ARSB: variants seen among roughly 807,000 people sequenced by gnomAD.
The protein encoded by ARSB is N-acetylgalactosamine-4-sulfatase.
A neutral mutation model predicts 50.9 loss-of-function variants in ARSB; 41 were observed. The ratio of observed to expected loss-of-function variants is 0.81; its 90% CI spans 0.63 to 1.04. ARSB has a LOEUF of 1.04. Among genes scored for constraint, ARSB ranks in the 50% least tolerant of loss-of-function variants. The pLI is 0.00. For missense variants in ARSB, 672 were observed against 693.3 expected, an observed-to-expected ratio of 0.97 and a Z score of 0.35; for synonymous variants, 269 against 284.8, an observed-to-expected ratio of 0.94 and a Z score of 0.56.
intron 6 of ARSB, among the ~76,000 whole-genome samples, chr5:78,839,067 A>C (rs751430164): frequency 2.6e-4 from 40 of 152,240 alleles, no homozygotes; most frequent in Non-Finnish European, 5.4e-4. Context: ...CAGAGATGCC[A>C]TGAGTTCTTC....
chr5:78,785,611 T>A (rs1749053843), intron 6 of ARSB, among the ~76,000 whole-genome samples: 1 of 152,220 alleles, frequency 6.6e-6, no homozygotes, highest in African/African-American at 2.4e-5. Context: ...GCATAATATA[T>A]TTTTTCCATC....
intron 6 of ARSB, among the ~76,000 whole-genome samples, chr5:78,794,144 G>A (rs1053004520): frequency 6.6e-6 from 1 of 152,140 alleles, no homozygotes; most frequent in Non-Finnish European, 1.5e-5. Flanking sequence ...TCCTGTAGGA[G>A]TCTGCTTCTC....
intron 5 of ARSB, among the ~76,000 whole-genome samples, chr5:78,858,416 C>A (rs767906087): frequency 6.6e-5 from 10 of 152,220 alleles, no homozygotes; most frequent in Non-Finnish European, 1.3e-4. Context: ...TGACCAGTGA[C>A]CAGTTTCCAA....
At chr5:78,849,223 A>C (rs1473335481) in intron 5 of ARSB, among the ~76,000 whole-genome samples, 5 of 152,040 alleles carry the variant, frequency 3.3e-5, no homozygotes, top group Non-Finnish European at 7.4e-5. Flanking sequence ...TCTTTAATCC[A>C]TCTTGAATTA....
rs2112614541 is a variant in ARSB, at chr5:78,778,221, CCATA to C, written c.*2172_*2175del. On this transcript the variant is annotated 3_prime_UTR_variant, in exon 8 of 8. Coordinates refer to ENST00000264914, the MANE Select transcript of ARSB (RefSeq NM_000046.5). The stretch of plus-strand genomic sequence containing the variant: ...GGGCTCAGCTATTTCATGCTGTCGG[CCATA>C]CACTTCCAAGTGGGAGGTGATGGCA... The C allele has an allele frequency of 6.6e-6, 1 of 152,274 alleles. No individual in the cohort carries two copies. Among genetic ancestry groups the C allele is most frequent in the Admixed American group, 6.5e-5 (1 of 15,298 alleles). The allele number at this position is 152,274 out of a possible 1,614,324, so 9.4% of individuals were successfully genotyped here.
intron 6 of ARSB, among the ~76,000 whole-genome samples, chr5:78,798,261 C>T (rs958178800): frequency 1.3e-5 from 2 of 152,022 alleles, no homozygotes; most frequent in Non-Finnish European, 2.9e-5. Context: ...CCAGCAGATG[C>T]TAATCGAATA....
intron 6 of ARSB, among the ~76,000 whole-genome samples, chr5:78,801,731 G>A (rs1743402212): frequency 6.6e-6 from 1 of 152,106 alleles, no homozygotes; most frequent in Admixed American, 6.5e-5. Context: ...TTCCAGGCAG[G>A]CCTGGGCCCA....
At chr5:78,877,183 A>G (rs915350918) in intron 5 of ARSB, among the ~76,000 whole-genome samples, 2 of 152,128 alleles carry the variant, frequency 1.3e-5, no homozygotes, top group Non-Finnish European at 2.9e-5. Flanking sequence ...ACCCGTTCCC[A>G]TCAGCCAGCC....
At chr5:78,899,911 T>A (rs891269005) in intron 4 of ARSB, among the ~76,000 whole-genome samples, 1 of 152,190 alleles carries the variant, frequency 6.6e-6, no homozygotes, top group Non-Finnish European at 1.5e-5. Context: ...CATTGAAGGA[T>A]TAATTATTGA....
At chr5:78,793,860 T>C (rs919386918) in intron 6 of ARSB, among the ~76,000 whole-genome samples, 5 of 152,118 alleles carry the variant, frequency 3.3e-5, no homozygotes, top group African/African-American at 1.2e-4. Flanking sequence ...ACTGGAAGGC[T>C]GAATTGGCAT....
chr5:78,885,876 A>G, intron 4 of ARSB, 49 bp from the exon 5 acceptor site: 1 of 1,610,038 alleles, frequency 6.2e-7, no homozygotes, highest in Admixed American at 1.7e-5. Context: ...ACTCTTAAAT[A>G]CATTTAAGAA....
chr5:78,977,602 C>T (rs559185198), intron 1 of ARSB, among the ~76,000 whole-genome samples: 3 of 152,298 alleles, frequency 2.0e-5, no homozygotes, highest in South Asian at 4.1e-4. Context: ...ATGAATATAT[C>T]ACACTTAATG....
At chr5:78,871,719 G>A (rs1407346732) in intron 5 of ARSB, among the ~76,000 whole-genome samples, 1 of 137,600 alleles carries the variant, frequency 7.3e-6, no homozygotes, top group African/African-American at 2.6e-5. Context: ...AACCCTAGAA[G>A]AAAACCTAGG....
chr5:78,847,057 G>T (rs1266788646), intron 5 of ARSB, among the ~76,000 whole-genome samples: 2 of 152,146 alleles, frequency 1.3e-5, no homozygotes, highest in Admixed American at 1.3e-4. Context: ...CATGTTTATG[G>T]ATTTGTATAT....
chr5:78,848,541 T>A (rs1428493246), intron 5 of ARSB, among the ~76,000 whole-genome samples: 2 of 151,510 alleles, frequency 1.3e-5, no homozygotes, highest in Non-Finnish European at 2.9e-5. Context: ...GCATGTGTCT[T>A]TATAGCAGCA....
intron 6 of ARSB, among the ~76,000 whole-genome samples, chr5:78,807,433 C>A (rs1408475244): frequency 6.6e-6 from 1 of 152,180 alleles, no homozygotes; most frequent in Non-Finnish European, 1.5e-5. Flanking sequence ...TTCTCTTCTA[C>A]AACCTCAGGA....
chr5:78,864,517 A>C (rs1009678076), intron 5 of ARSB, among the ~76,000 whole-genome samples: 2 of 152,188 alleles, frequency 1.3e-5, no homozygotes, highest in African/African-American at 4.8e-5. Context: ...GTACAGTTCC[A>C]GATGAGATCT....
intron 6 of ARSB, among the ~76,000 whole-genome samples, chr5:78,821,373 G>T (rs1744215414): frequency 1.3e-5 from 2 of 152,134 alleles, no homozygotes; most frequent in Non-Finnish European, 2.9e-5. Context: ...CCTGACCTCA[G>T]ATGATCCACC....
intron 1 of ARSB, among the ~76,000 whole-genome samples, chr5:78,971,360 C>T (rs1386503075): frequency 6.6e-6 from 1 of 152,208 alleles, no homozygotes; most frequent in Non-Finnish European, 1.5e-5. Context: ...AGACACCAGC[C>T]TTCCCCAGCC....
Sources: gnomAD v4.1 joint callset for allele counts (sites outside exome capture counted in the v4.1 genomes callset) on GRCh38, gnomAD v4.1.1 for gene constraint, MANE v1.5 for transcripts, NCBI Gene and HGNC (gene_info 2026-07-23, HGNC 2026-07-21) for gene names.